The following DYNC1I2 variants were observed in gnomAD, a reference collection of about 807,000 sequenced individuals.
The protein encoded by DYNC1I2 is dynein cytoplasmic 1 intermediate chain 2, also known as cytoplasmic dynein 1 intermediate chain 2.
A neutral mutation model predicts 88.6 loss-of-function variants in DYNC1I2; 53 were observed. The observed-to-expected ratio is 0.60, with a 90% CI of 0.48 to 0.75. The LOEUF is 0.75. Ranked by LOEUF, DYNC1I2 falls within the 30% of genes least tolerant of loss-of-function variation. DYNC1I2 has a pLI of 0.00. For missense variants in DYNC1I2, 458 were observed against 766.6 expected (o/e 0.60, Z 4.75); for synonymous variants, 198 against 254.6 (o/e 0.78, Z 2.12).
rs61079902 is a variant in DYNC1I2, at chr2:171,733,459, C to CTTTTTTT, written c.1536+3630_1536+3636dup. On this transcript the variant is annotated intron_variant, in intron 15 of 17. Transcript: ENST00000397119. Reference sequence around the variant, plus strand: ...TTTTTCTCCACAACCTTGCCAGCATCTTTTTTTTTTTTTTTTTTTTTTTTT... The same window carrying CTTTTTTT: ...TTTTTCTCCACAACCTTGCCAGCATCTTTTTTTTTTTTTTTTTTTTTTTTTTTTTTTT... Among the ~76,000 whole-genome samples, 74 of 55,800 alleles carry CTTTTTTT rather than the reference C, an allele frequency of 1.3e-3. 5 individuals carry two copies. Among genetic ancestry groups the CTTTTTTT allele is most frequent in the Non-Finnish European group, 1.7e-3 (53 of 31,492 alleles). The allele number at this position is 55,800 out of a possible 152,430, so 36.6% of individuals were successfully genotyped here.
intron 14 of DYNC1I2, 138 bp from the exon 15 acceptor site, chr2:171,729,571 A>G (rs1233656891): frequency 1.3e-5 from 11 of 868,402 alleles, no homozygotes; most frequent in Non-Finnish European, 1.7e-5. Flanking sequence ...AACAAAGTTA[A>G]TTCTGATAAG....
intron 15 of DYNC1I2, among the ~76,000 whole-genome samples, chr2:171,730,364 A>G (rs1688526317): frequency 6.6e-6 from 1 of 152,234 alleles, no homozygotes. Flanking sequence ...GTGTAAAAGC[A>G]TGGATGCATA....
intron 4 of DYNC1I2, 30 bp downstream of exon 4, chr2:171,706,594 T>A: frequency 6.3e-7 from 1 of 1,599,998 alleles, no homozygotes; most frequent in Non-Finnish European, 8.6e-7. Flanking sequence ...TCTTGCCTTG[T>A]TTATTTGCAT....
At chr2:171,712,609 CTTGTT>C in intron 5 of DYNC1I2, 153 bp from the exon 6 acceptor site, 2 of 570,180 alleles carry the variant, frequency 3.5e-6, no homozygotes, top group Middle Eastern at 6.3e-4. Context: ...TGGTGGATTT[CTTGTT>C]TTGTTTTCGA....
chr2:171,717,141 CTTTT>C (rs71013068), intron 7 of DYNC1I2, among the ~76,000 whole-genome samples: 18 of 102,284 alleles, frequency 1.8e-4, no homozygotes, highest in South Asian at 6.7e-4. Context: ...CAAGTATTTT[CTTTT>C]TTTTTTTTTT....
At position 171,690,186 on chromosome 2, in the gene DYNC1I2, T is replaced by G; in HGVS notation, c.31T>G (p.Leu11Val). 2 of 1,554,966 alleles carry G rather than the reference T, an allele frequency of 1.3e-6. No individual in the cohort carries two copies. Among genetic ancestry groups the G allele is most frequent in the Non-Finnish European group, 1.7e-6 (2 of 1,149,830 alleles). MSDKSELKAE[L>V]ERKKQRLAQI... ...AGACAAAAGTGAATTAAAGGCTGAG[T>G]TGGAACGTAAGAAGCAGCGACTGGC... is the stretch of plus-strand genomic sequence containing the variant. The change falls in exon 2 of 18, where the codon TTG becomes GTG. Residue 11 changes from leucine to valine, a missense_variant. Transcript: ENST00000397119.
intron 2 of DYNC1I2, among the ~76,000 whole-genome samples, chr2:171,690,696 C>T (rs549416979): frequency 1.4e-3 from 201 of 143,508 alleles, no homozygotes; most frequent in South Asian, 6.0e-3. Flanking sequence ...CTGTGTCACT[C>T]GGACTGGAGT....
In DYNC1I2 at chr2:171,725,716, A is replaced by G; in HGVS notation, c.607+3A>G. 6.5e-7 allele frequency: 1 copy of G among 1,530,564 alleles called. No individual in the cohort carries two copies. The highest frequency in any genetic ancestry group is 8.8e-7 in the Non-Finnish European group (1 of 1,131,150). 94.8% of individuals were successfully genotyped at this position (1,530,564 alleles called of 1,614,324 possible). Reference sequence around the variant, plus strand: ...AGATGAGGAAAATGATAGTAAAGGTATCTTAAGGAATTAAACTTTAAAACA... The same window carrying G: ...AGATGAGGAAAATGATAGTAAAGGTGTCTTAAGGAATTAAACTTTAAAACA... On this transcript the variant is annotated splice_donor_region_variant and intron_variant, in intron 8 of 17. Transcript: ENST00000397119.
intron 3 of DYNC1I2, among the ~76,000 whole-genome samples, chr2:171,701,987 GTAAA>G (rs1327851378): frequency 3.9e-5 from 6 of 152,134 alleles, no homozygotes; most frequent in Admixed American, 3.3e-4. Flanking sequence ...GTAGGGAGCA[GTAAA>G]TAAATATGCT....
intron 5 of DYNC1I2, among the ~76,000 whole-genome samples, chr2:171,709,696 T>C (rs939585062): frequency 3.3e-5 from 5 of 152,192 alleles, no homozygotes; most frequent in Admixed American, 6.5e-5. Flanking sequence ...AAAATCCTCT[T>C]TTTGAGTGAG....
chr2:171,717,090 C>G (rs1315465316), intron 7 of DYNC1I2, among the ~76,000 whole-genome samples: 1 of 151,468 alleles, frequency 6.6e-6, no homozygotes, highest in African/African-American at 2.4e-5. Flanking sequence ...CATATAATTA[C>G]ACTTTCAAAA....
intron 15 of DYNC1I2, among the ~76,000 whole-genome samples, chr2:171,742,321 T>C (rs1689496709): frequency 6.6e-6 from 1 of 152,006 alleles, no homozygotes; most frequent in Non-Finnish European, 1.5e-5. Context: ...TATAGGTGCA[T>C]GCCACCATGC....
chr2:171,705,908 T>C (rs925618390), intron 3 of DYNC1I2, among the ~76,000 whole-genome samples: 1 of 152,044 alleles, frequency 6.6e-6, no homozygotes, highest in African/African-American at 2.4e-5. Flanking sequence ...GAAAGAAATA[T>C]TCTAGTTGTG....
At chr2:171,704,567 A>G (rs1686530056) in intron 3 of DYNC1I2, among the ~76,000 whole-genome samples, 1 of 152,214 alleles carries the variant, frequency 6.6e-6, no homozygotes, top group Non-Finnish European at 1.5e-5. Flanking sequence ...TATCTCAGAT[A>G]CTTGGCAAAA....
At chr2:171,727,038 C>A in intron 11 of DYNC1I2, 122 bp downstream of exon 11, 1 of 1,103,170 alleles carries the variant, frequency 9.1e-7, no homozygotes, top group Non-Finnish European at 1.2e-6. Flanking sequence ...TTTACTAAAC[C>A]ACTCCATATT....
chr2:171,738,808 G>A (rs1365591269), intron 15 of DYNC1I2, among the ~76,000 whole-genome samples: 1 of 152,160 alleles, frequency 6.6e-6, no homozygotes, highest in Non-Finnish European at 1.5e-5. Context: ...CCCTGCATTT[G>A]TATTTTTCAA....
At chr2:171,730,823 A>T (rs1688554841) in intron 15 of DYNC1I2, among the ~76,000 whole-genome samples, 1 of 152,130 alleles carries the variant, frequency 6.6e-6, no homozygotes. Context: ...AATGTAAGAG[A>T]TGTTCTTCAC....
At chr2:171,706,798 A>C in intron 4 of DYNC1I2, 1 of 452,068 alleles carries the variant, frequency 2.2e-6, no homozygotes, top group Non-Finnish European at 3.9e-6. Context: ...TTTTTGAAAG[A>C]AAAAATTATT....
At chr2:171,730,103 T>C (rs1030890177) in intron 15 of DYNC1I2, among the ~76,000 whole-genome samples, 13 of 152,200 alleles carry the variant, frequency 8.5e-5, no homozygotes, top group Non-Finnish European at 1.3e-4. Context: ...TTTTCGAGCA[T>C]GTAACTGTTT....
Sources: allele counts gnomAD v4.1 joint callset (sites outside exome capture counted in the v4.1 genomes callset), GRCh38; gene constraint gnomAD v4.1.1; transcripts MANE v1.5; gene names NCBI Gene and HGNC (gene_info 2026-07-23, HGNC 2026-07-21).